The following TUBGCP2 variants were observed in gnomAD, a reference collection of about 807,000 sequenced individuals.
TUBGCP2 encodes tubulin gamma complex component 2.
TUBGCP2 carries 55 observed loss-of-function variants against 92.2 expected under a neutral mutation model. The ratio of observed to expected loss-of-function variants is 0.60; its 90% confidence interval spans 0.48 to 0.75. The LOEUF is 0.75. Among genes scored for constraint, TUBGCP2 ranks in the 30% least tolerant of loss-of-function variants. The pLI is 0.00. For synonymous variants in TUBGCP2, 533 were observed against 505.2 expected, an observed-to-expected ratio of 1.06 and a Z score of -0.74; for missense variants, 1,093 against 1,188.9, an observed-to-expected ratio of 0.92 and a Z score of 1.19.
intron 6 of TUBGCP2, 134 bp downstream of exon 6, chr10:133,293,428 A>C: frequency 8.1e-7 from 1 of 1,227,160 alleles, no homozygotes; most frequent in Non-Finnish European, 1.1e-6. Flanking sequence ...TCCAAAACTG[A>C]GTTGGGCACG....
rs1190846145 is a variant in TUBGCP2, at chr10:133,281,297, T to A, written c.2549A>T (p.His850Leu). 1 of 1,612,380 alleles carries A rather than the reference T, an allele frequency of 6.2e-7. No individual in the cohort carries two copies. The highest frequency in any genetic ancestry group is 8.5e-7 in the Non-Finnish European group (1 of 1,179,906). Residue 850 changes from histidine to leucine, a missense_variant, in exon 17 of 18, where the codon CAC (histidine) becomes CTC (leucine). This residue lies in a region of TUBGCP2 where 598 missense variants were observed against 675.5 expected (regional missense o/e 0.89). Transcript: ENST00000252936. ...CCTGGAGATGACGCTGGCCATGCCG[T>A]GCTCACAGTCACTGGTGCTATAGAT... Reference protein sequence around the residue: ...LSIYSTSDCEHGMASVISRLD... With the variant: ...LSIYSTSDCELGMASVISRLD...
At position 133,292,721 on chromosome 10, in the gene TUBGCP2, A is replaced by G. The variant is rs1217682842; in HGVS notation, c.1025-33T>C. On this transcript the variant is annotated intron_variant, in intron 7 of 17. Coordinates refer to ENST00000252936, the MANE Select transcript of TUBGCP2 (RefSeq NM_006659.4). ...GAGAAAGGAGGGCTCACTGCTGAGAAGGAAGCGCACGCCCAGCCTCTGCCA... is the reference window on the plus strand; with the variant it reads ...GAGAAAGGAGGGCTCACTGCTGAGAGGGAAGCGCACGCCCAGCCTCTGCCA... The G allele has an allele frequency of 3.1e-6, 5 of 1,594,478 alleles. No homozygotes were observed. In the African/African-American group the frequency reaches 4.0e-5, roughly 13 times the overall value.
upstream of TUBGCP2, chr10:133,311,886 C>G: frequency 6.2e-7 from 1 of 1,613,218 alleles, no homozygotes; most frequent in Non-Finnish European, 8.5e-7. Flanking sequence ...AACATGTGTT[C>G]GGTGCTGAGG....
Position 133,298,015 on chromosome 10 carries a change from G to A in TUBGCP2, c.553C>T (p.Pro185Ser). The A allele has an allele frequency of 6.2e-7, 1 of 1,614,092 alleles. No individual in the cohort carries two copies. Among genetic ancestry groups the A allele is most frequent in the South Asian group, 1.1e-5 (1 of 91,076 alleles). ...PIFPAWVYER[P>S]ALIGDFLIGA... The stretch of plus-strand genomic sequence containing the variant: ...ATCAGGAAATCCCCGATCAGGGCAG[G>A]TCTCTCATACACCCATGCTGGGAAG... Residue 185 changes from proline (P) to serine (S), a missense_variant, in exon 5 of 18, where the codon CCT (proline) becomes TCT (serine). By Grantham distance (74) the Pro-to-Ser change is moderately conservative (BLOSUM62 -1). Around this residue, in one of 3 missense-constraint regions of TUBGCP2, gnomAD observed 490 missense variants for 488.5 expected, o/e 1.00. Transcript: ENST00000252936.
chr10:133,311,819 G>A (rs376621716), upstream of TUBGCP2: 74 of 1,613,220 alleles, frequency 4.6e-5, no homozygotes, highest in Admixed American at 1.7e-4. Context: ...ACCGGCAGGT[G>A]AGAGGCGGAT....
At chr10:133,282,161 C>T (rs1846999088) in intron 16 of TUBGCP2, 62 bp downstream of exon 16, 2 of 1,606,654 alleles carry the variant, frequency 1.2e-6, no homozygotes, top group Non-Finnish European at 1.7e-6. Context: ...CGTCAGGATG[C>T]CCAGGCTGCC....
At chr10:133,301,584 T>C (rs559895096) in intron 2 of TUBGCP2, 26 of 152,056 alleles carry the variant, frequency 1.7e-4, no homozygotes, top group African/African-American at 6.0e-4. Context: ...TTTTTTAAAA[T>C]AGACTTCAAA....
At chr10:133,287,992 G>T in intron 11 of TUBGCP2, 137 bp downstream of exon 11, 1 of 1,220,954 alleles carries the variant, frequency 8.2e-7, no homozygotes, top group Non-Finnish European at 1.1e-6. Flanking sequence ...GGCCCCGGTA[G>T]CCAAGTGAAG....
chr10:133,310,602 G>A, upstream of TUBGCP2: 1 of 375,468 alleles, frequency 2.7e-6, no homozygotes. Context: ...TGTACCTCCT[G>A]CAGCAGTCGG....
chr10:133,279,796 A>G lies in TUBGCP2; in HGVS notation c.2679T>C (p.Pro893=), dbSNP rs759568520. 6.4e-7 allele frequency: 1 copy of G among 1,568,904 alleles called. No homozygotes were observed. The highest frequency in any genetic ancestry group is 8.6e-7 in the Non-Finnish European group (1 of 1,157,490). ...GTGCGGTGACTGCGACCCTGGGTGCAGGAGCCGGGGGCCCCCGCAGGACAG... is the reference window on the plus strand; with the variant it reads ...GTGCGGTGACTGCGACCCTGGGTGCGGGAGCCGGGGGCCCCCGCAGGACAG... The part of the protein sequence containing the change: ...QVPVLRGPPA[P]APRVAVTAQ Residue 893 remains proline, a synonymous_variant, in exon 18 of 18, where the codon CCT becomes CCC. Coordinates refer to ENST00000252936, the MANE Select transcript of TUBGCP2 (RefSeq NM_006659.4).
At chr10:133,308,033 C>A (rs1020627555) in intron 1 of TUBGCP2, among the ~76,000 whole-genome samples, 1 of 152,100 alleles carries the variant, frequency 6.6e-6, no homozygotes, top group Non-Finnish European at 1.5e-5. Flanking sequence ...ACCACTTGAG[C>A]CCAAGAATTT....
intron 11 of TUBGCP2, among the ~76,000 whole-genome samples, chr10:133,286,495 G>A (rs3008338): frequency 0.88 from 134,580 of 152,256 alleles, 59,579 homozygotes; most frequent in East Asian, 0.94. Context: ...GAGAACCGCC[G>A]GACAGACGAT....
At position 133,298,151 on chromosome 10, in the gene TUBGCP2, A is replaced by G. The variant is rs751814493; in HGVS notation, c.457-40T>C. 4.4e-6 allele frequency: 7 copies of G among 1,598,482 alleles called. No homozygotes were observed. The South Asian group carries it at 7.8e-5, about 18-fold the overall frequency. ...TTAAAAAACAAAACCAGAAAGATAC[A>G]CTTTAGCGCAAACACTCAACTAAAG... On this transcript the variant is annotated intron_variant, in intron 4 of 17. Transcript: ENST00000252936.
chr10:133,307,100 G>A (rs1014441346), intron 1 of TUBGCP2, among the ~76,000 whole-genome samples: 1 of 152,232 alleles, frequency 6.6e-6, no homozygotes, highest in African/African-American at 2.4e-5. Flanking sequence ...AATGCACAGC[G>A]TCCCACTGAA....
At position 133,288,296 on chromosome 10, in the gene TUBGCP2, A is replaced by G. The variant is rs1474426645; in HGVS notation, c.1555T>C (p.Tyr519His). 6.2e-7 allele frequency: 1 copy of G among 1,613,416 alleles called. No homozygotes were observed. The highest frequency in any genetic ancestry group is 1.1e-5 in the South Asian group (1 of 91,088). Reference protein sequence around the residue: ...LVAHLRSIKRYFLMDQGDFFV... With the variant: ...LVAHLRSIKRHFLMDQGDFFV... ...AAGTCGCCCTGGTCCATGAGGAAGT[A>G]GCGCTTGATGGACCTGCGCCAGGGA... Residue 519 changes from tyrosine to histidine, a missense_variant, in exon 11 of 18, where the codon TAC (tyrosine) becomes CAC (histidine). This residue lies in a region of TUBGCP2 where 598 missense variants were observed against 675.5 expected (regional missense o/e 0.89). Coordinates refer to ENST00000252936, the MANE Select transcript of TUBGCP2 (RefSeq NM_006659.4).
rs35504441 is a variant in TUBGCP2 at position 133,298,091 on chromosome 10, C to T, written c.477G>A (p.Lys159=). The T allele has an allele frequency of 5.5e-4, 881 of 1,614,030 alleles. 8 individuals are homozygous for T. In the African/African-American group the frequency reaches 0.01, roughly 19 times the overall value. ...TLQQSLELKR[K]MLRDKQNKKN... ...TTTTGTTCTGCTTGTCTCGAAGCATCTTTCTTTTAAGTTCCAGAGACTAGC... is the reference window on the plus strand; with the variant it reads ...TTTTGTTCTGCTTGTCTCGAAGCATTTTTCTTTTAAGTTCCAGAGACTAGC... Residue 159 remains lysine, a synonymous_variant, in exon 5 of 18, where the codon AAG becomes AAA. Coordinates refer to ENST00000252936, the MANE Select transcript of TUBGCP2 (RefSeq NM_006659.4).
Position 133,293,653 on chromosome 10 carries a change from T to C in TUBGCP2, c.733A>G (p.Thr245Ala). 6.3e-7 allele frequency: 1 copy of C among 1,590,852 alleles called. No individual in the cohort carries two copies. Among genetic ancestry groups the C allele is most frequent in the Non-Finnish European group, 8.6e-7 (1 of 1,169,310 alleles). The change falls in exon 6 of 18, where the codon ACC becomes GCC. Residue 245 changes from threonine (T) to alanine (A), a missense_variant. Thr to Ala is a moderately conservative substitution (Grantham distance 58, BLOSUM62 0). Around this residue, in one of 3 missense-constraint regions of TUBGCP2, gnomAD observed 490 missense variants for 488.5 expected, o/e 1.00. Coordinates refer to ENST00000252936, the MANE Select transcript of TUBGCP2 (RefSeq NM_006659.4). ...AQPLAGRQSRTFLVDPNLDLS... is the reference protein window; with the variant it reads ...AQPLAGRQSRAFLVDPNLDLS... ...TCCAGGTTGGGGTCCACGAGGAAGGTCCGGCTCTGCCTCCCAGCCAGGGGC... is the reference window on the plus strand; with the variant it reads ...TCCAGGTTGGGGTCCACGAGGAAGGCCCGGCTCTGCCTCCCAGCCAGGGGC...
At chr10:133,291,246 TCCCC>T (rs1304613509) in intron 8 of TUBGCP2, among the ~76,000 whole-genome samples, 1 of 67,776 alleles carries the variant, frequency 1.5e-5, no homozygotes, top group African/African-American at 2.2e-4. Flanking sequence ...GCCCTCCGTG[TCCCC>T]CATGTCCCTC....
At chr10:133,303,093 G>T in intron 1 of TUBGCP2, 113 bp from the exon 2 acceptor site, 1 of 945,284 alleles carries the variant, frequency 1.1e-6, no homozygotes, top group Non-Finnish European at 1.6e-6. Context: ...GTTATCACCT[G>T]GCCTGCCTGG....
Sources: gnomAD v4.1 joint callset for allele counts (sites outside exome capture counted in the v4.1 genomes callset) on GRCh38, gnomAD v4.1.1 for gene constraint, gnomAD v4.1.1 regional missense constraint, MANE v1.5 for transcripts, NCBI Gene and HGNC (gene_info 2026-07-23, HGNC 2026-07-21) for gene names.